FOXB2: variants seen among roughly 807,000 people sequenced by gnomAD.
The protein encoded by FOXB2 is forkhead box B2.
FOXB2 carries 1 observed loss-of-function variant against 0.9 expected under a neutral mutation model. That is an observed-to-expected ratio of 1.09 (90% CI 0.39 to 5.18). The LOEUF (loss-of-function observed/expected upper bound fraction) is 5.18, where lower values mean the gene tolerates loss of function less well. Among genes scored for constraint, FOXB2 ranks in the 30% most tolerant of loss-of-function variants. The pLI is 0.16. For missense variants in FOXB2, 670 were observed against 626.6 expected (o/e 1.07, Z -0.74); for synonymous variants, 322 against 293.5 (o/e 1.10, Z -0.99).
At position 77,020,230 on chromosome 9, in the gene FOXB2, G is replaced by A. The variant is rs762259765; in HGVS notation, c.576G>A (p.Pro192=). The change falls in exon 1 of 1, where the codon CCG becomes CCA. Residue 192 remains proline (P), a synonymous_variant. Transcript: ENST00000376708. This position sits in a 1 kb window ranked among gnomAD's most constrained non-coding sequence, Gnocchi z 4.9. ...CGCCTACTGCTCCGCAGCCGCCTCC[G>A]CACCTCCCGTCACAGCCCCCGCAGC... ...QQPPTAPQPP[P]HLPSQPPQQP... is the part of the protein sequence containing the mutation. 15 of 1,197,324 alleles carry A rather than the reference G, an allele frequency of 1.3e-5. No homozygotes were observed. The South Asian group carries it at 1.4e-4, about 12-fold the overall frequency. The allele number at this position is 1,197,324 out of a possible 1,614,324, so 74.2% of individuals were successfully genotyped here.
In FOXB2 at chr9:77,020,114, G is replaced by A; in HGVS notation, c.460G>A (p.Ala154Thr). 1 of 1,442,064 alleles carries A rather than the reference G, an allele frequency of 6.9e-7. No individual in the cohort carries two copies. Among genetic ancestry groups the A allele is most frequent in the South Asian group, 1.2e-5 (1 of 81,988 alleles). The allele number at this position is 1,442,064 out of a possible 1,614,324, so 89.3% of individuals were successfully genotyped here. Residue 154 changes from alanine to threonine, a missense_variant, in exon 1 of 1, where the codon GCA becomes ACA. Ala to Thr is a moderately conservative substitution (Grantham distance 58, BLOSUM62 0). Transcript: ENST00000376708. This position sits in a 1 kb window ranked among gnomAD's most constrained non-coding sequence, Gnocchi z 4.9. ...PHHHHHHHAAAHHHHHHHPPQ... is the reference protein window; with the variant it reads ...PHHHHHHHAATHHHHHHHPPQ... ...CCACCACCATCATCACCACGCTGCCGCACACCACCACCATCACCACCACCC... is the reference window on the plus strand; with the variant it reads ...CCACCACCATCATCACCACGCTGCCACACACCACCACCATCACCACCACCC...
At position 77,019,724 on chromosome 9, in the gene FOXB2, A is replaced by G. The variant is rs1564571364; in HGVS notation, c.70A>G (p.Met24Val). 2 of 1,613,926 alleles carry G rather than the reference A, an allele frequency of 1.2e-6. No homozygotes were observed. The highest frequency in any genetic ancestry group is 1.7e-6 in the Non-Finnish European group (2 of 1,179,950). Residue 24 changes from methionine (M) to valine (V), a missense_variant, in exon 1 of 1, where the codon ATG (methionine) becomes GTG (valine). Met to Val is a conservative substitution (Grantham distance 21). Transcript: ENST00000376708. The surrounding 1 kb of genome is among the most constrained non-coding windows in gnomAD (Gnocchi z 4.4). ...PPYSYISLTA[M>V]AIQHSAEKML... ...CTACTCTTACATCTCGCTGACCGCC[A>G]TGGCAATCCAGCACTCGGCCGAGAA... is the stretch of plus-strand genomic sequence containing the variant.
chr9:77,020,244 A>C lies in FOXB2; in HGVS notation c.590A>C (p.Gln197Pro). The C allele has an allele frequency of 8.1e-7, 1 of 1,230,698 alleles. No homozygotes were observed. 76.2% of individuals were successfully genotyped at this position (1,230,698 alleles called of 1,614,324 possible). A position where few individuals can be genotyped will look rare whatever the true frequency, so the allele number is the denominator to read the frequency against. ...APQPPPHLPS[Q>P]PPQQPPQQSQ... Reference sequence around the variant, plus strand: ...CAGCCGCCTCCGCACCTCCCGTCACAGCCCCCGCAGCAACCGCCCCAGCAG... The same window carrying C: ...CAGCCGCCTCCGCACCTCCCGTCACCGCCCCCGCAGCAACCGCCCCAGCAG... Residue 197 changes from glutamine (Q) to proline (P), a missense_variant, in exon 1 of 1, where the codon CAG (glutamine) becomes CCG (proline). Gln to Pro is a moderately conservative substitution (Grantham distance 76). Coordinates refer to ENST00000376708, the MANE Select transcript of FOXB2 (RefSeq NM_001013735.1). The surrounding 1 kb of genome is among the most constrained non-coding windows in gnomAD (Gnocchi z 4.9).
Position 77,020,456 on chromosome 9 carries a change from C to A in FOXB2, c.802C>A (p.His268Asn). 6.2e-7 allele frequency: 1 copy of A among 1,600,022 alleles called. No homozygotes were observed. Among genetic ancestry groups the A allele is most frequent in the Non-Finnish European group, 8.5e-7 (1 of 1,175,092 alleles). The change falls in exon 1 of 1, where the codon CAC (histidine) becomes AAC (asparagine). Residue 268 changes from histidine (H) to asparagine (N), a missense_variant. His to Asn is a moderately conservative substitution (Grantham distance 68, BLOSUM62 1). Transcript: ENST00000376708. The surrounding 1 kb of genome is among the most constrained non-coding windows in gnomAD (Gnocchi z 4.9). ...CGCGGCGTCCACGTCAGGCTTCAAG[C>A]ACCCCTTTGCCATTGAGAACATTAT... is the stretch of plus-strand genomic sequence containing the variant. The part of the protein sequence containing the change: ...AAAASTSGFK[H>N]PFAIENIIGR...
rs543210461 is a variant in FOXB2 at position 77,020,361 on chromosome 9, G to A, written c.707G>A (p.Gly236Asp). 1.5e-5 allele frequency: 20 copies of A among 1,326,712 alleles called. No homozygotes were observed. The African/African-American group carries it at 2.5e-4, about 16-fold the overall frequency. 82.2% of individuals were successfully genotyped at this position (1,326,712 alleles called of 1,614,324 possible). Reference protein sequence around the residue: ...AAAAAAAAAVGSVGRLSQFPP... With the variant: ...AAAAAAAAAVDSVGRLSQFPP... ...GCGGCGGCCGCGGCAGCCGCGGTGG[G>A]CAGCGTGGGACGCCTGTCTCAGTTC... Residue 236 changes from glycine to aspartate, a missense_variant, in exon 1 of 1, where the codon GGC becomes GAC. Gly to Asp is a moderately conservative substitution (Grantham distance 94). Transcript: ENST00000376708. The surrounding 1 kb of genome is among the most constrained non-coding windows in gnomAD (Gnocchi z 4.9).
Position 77,020,794 on chromosome 9 carries a change from G to C in FOXB2, c.1140G>C (p.Pro380=). The C allele has an allele frequency of 6.4e-7, 1 of 1,566,426 alleles. No individual in the cohort carries two copies. Among genetic ancestry groups the C allele is most frequent in the Non-Finnish European group, 8.6e-7 (1 of 1,162,252 alleles). Reference sequence around the variant, plus strand: ...TGCCGCCCGTGTCCGCGCTGCAGCCGGGGCTCACTGTCCCCGCGGCTTCGC... The same window carrying C: ...TGCCGCCCGTGTCCGCGCTGCAGCCCGGGCTCACTGTCCCCGCGGCTTCGC... The part of the protein sequence containing the change: ...PALPPVSALQ[P]GLTVPAASQQ... Residue 380 remains proline (P), a synonymous_variant, in exon 1 of 1, where the codon CCG becomes CCC. Coordinates refer to ENST00000376708, the MANE Select transcript of FOXB2 (RefSeq NM_001013735.1). The surrounding 1 kb of genome is among the most constrained non-coding windows in gnomAD (Gnocchi z 4.9).
chr9:77,019,905 G>T lies in FOXB2; in HGVS notation c.251G>T (p.Gly84Val), dbSNP rs1329709708. 2 of 1,613,686 alleles carry T rather than the reference G, an allele frequency of 1.2e-6. No homozygotes were observed. The highest frequency in any genetic ancestry group is 3.3e-5 in the Admixed American group (2 of 60,006). Reference sequence around the variant, plus strand: ...CGGAGGCCCGACCAGCCTGGCAAGGGTAGCTTCTGGGCGCTGCACCCCGAC... The same window carrying T: ...CGGAGGCCCGACCAGCCTGGCAAGGTTAGCTTCTGGGCGCTGCACCCCGAC... ...IPRRPDQPGKGSFWALHPDCG... is the reference protein window; with the variant it reads ...IPRRPDQPGKVSFWALHPDCG... Residue 84 changes from glycine to valine, a missense_variant, in exon 1 of 1, where the codon GGT becomes GTT. Coordinates refer to ENST00000376708, the MANE Select transcript of FOXB2 (RefSeq NM_001013735.1). This position sits in a 1 kb window ranked among gnomAD's most constrained non-coding sequence, Gnocchi z 4.4.
At position 77,020,440 on chromosome 9, in the gene FOXB2, C is replaced by T; in HGVS notation, c.786C>T (p.Ser262=). ...AAAAAAAAAA[S]TSGFKHPFAI... The stretch of plus-strand genomic sequence containing the variant: ...CCGCTGCCGCCGCGGCCGCGGCGTC[C>T]ACGTCAGGCTTCAAGCACCCCTTTG... Residue 262 remains serine (S), a synonymous_variant, in exon 1 of 1, where the codon TCC becomes TCT. Coordinates refer to ENST00000376708, the MANE Select transcript of FOXB2 (RefSeq NM_001013735.1). This position sits in a 1 kb window ranked among gnomAD's most constrained non-coding sequence, Gnocchi z 4.9. The T allele has an allele frequency of 1.3e-6, 2 of 1,587,358 alleles. No homozygotes were observed. The highest frequency in any genetic ancestry group is 1.7e-6 in the Non-Finnish European group (2 of 1,169,400).
chr9:77,020,800 C>A lies in FOXB2; in HGVS notation c.1146C>A (p.Leu382=). The change falls in exon 1 of 1, where the codon CTC becomes CTA. Residue 382 remains leucine, a synonymous_variant. Transcript: ENST00000376708. The surrounding 1 kb of genome is among the most constrained non-coding windows in gnomAD (Gnocchi z 4.9). ...LPPVSALQPG[L]TVPAASQQPP... Reference sequence around the variant, plus strand: ...CCGTGTCCGCGCTGCAGCCGGGGCTCACTGTCCCCGCGGCTTCGCAGCAGC... The same window carrying A: ...CCGTGTCCGCGCTGCAGCCGGGGCTAACTGTCCCCGCGGCTTCGCAGCAGC... 1 of 1,564,440 alleles carries A rather than the reference C, an allele frequency of 6.4e-7. No individual in the cohort carries two copies. The highest frequency in any genetic ancestry group is 8.6e-7 in the Non-Finnish European group (1 of 1,161,134).
At position 77,020,685 on chromosome 9, in the gene FOXB2, T is replaced by G. The variant is rs1765772874; in HGVS notation, c.1031T>G (p.Phe344Cys). Residue 344 changes from phenylalanine (F) to cysteine (C), a missense_variant, in exon 1 of 1, where the codon TTC (phenylalanine) becomes TGC (cysteine). Phe to Cys is a radical substitution (Grantham distance 205). Transcript: ENST00000376708. The surrounding 1 kb of genome is among the most constrained non-coding windows in gnomAD (Gnocchi z 4.9). Reference sequence around the variant, plus strand: ...CCTGTAGGCCCGGAGTATGGGGCCTTCGGGGTCCCGGTCAAGTCCCTGTGC... The same window carrying G: ...CCTGTAGGCCCGGAGTATGGGGCCTGCGGGGTCCCGGTCAAGTCCCTGTGC... ...GVPVGPEYGA[F>C]GVPVKSLCHS... 1 of 1,602,636 alleles carries G rather than the reference T, an allele frequency of 6.2e-7. No homozygotes were observed. Among genetic ancestry groups the G allele is most frequent in the Non-Finnish European group, 8.5e-7 (1 of 1,176,092 alleles).
In FOXB2 at chr9:77,020,006, C is replaced by T; in HGVS notation, c.352C>T (p.His118Tyr). 3 of 1,611,248 alleles carry T rather than the reference C, an allele frequency of 1.9e-6. No homozygotes were observed. The highest frequency in any genetic ancestry group is 2.5e-6 in the Non-Finnish European group (3 of 1,179,388). The change falls in exon 1 of 1, where the codon CAC becomes TAC. Residue 118 changes from histidine (H) to tyrosine (Y), a missense_variant. Coordinates refer to ENST00000376708, the MANE Select transcript of FOXB2 (RefSeq NM_001013735.1). The surrounding 1 kb of genome is among the most constrained non-coding windows in gnomAD (Gnocchi z 4.9). ...CAAGGTGCTGCGCGCCGACCATACTCACTTGCACGCGGGAAGCACCAAGAG... is the reference window on the plus strand; with the variant it reads ...CAAGGTGCTGCGCGCCGACCATACTTACTTGCACGCGGGAAGCACCAAGAG... ...RFKVLRADHT[H>Y]LHAGSTKSAP...
At position 77,020,310 on chromosome 9, in the gene FOXB2, AGGC is replaced by A; in HGVS notation, c.663_665del (p.Ala222del). 2 of 1,216,896 alleles carry A rather than the reference AGGC, an allele frequency of 1.6e-6. No homozygotes were observed. The highest frequency in any genetic ancestry group is 2.1e-6 in the Non-Finnish European group (2 of 963,894). 75.4% of individuals were successfully genotyped at this position (1,216,896 alleles called of 1,614,324 possible). ...CCGTCTCACCCCGGCAAGATGCAGG[AGGC>A]GGCGGCCGTGGCGGCGGCGGCGGCG... On this transcript the variant is annotated inframe_deletion, in exon 1 of 1. Transcript: ENST00000376708. This position sits in a 1 kb window ranked among gnomAD's most constrained non-coding sequence, Gnocchi z 4.9.
rs750048680 is a variant in FOXB2 at position 77,020,322 on chromosome 9, T to TGGCGGC, written c.684_689dup (p.Ala233_Ala234dup). The TGGCGGC allele has an allele frequency of 2.9e-5, 31 of 1,069,048 alleles. No individual in the cohort carries two copies. Among genetic ancestry groups the TGGCGGC allele is most frequent in the Non-Finnish European group, 1.2e-5 (11 of 881,302 alleles). 66.2% of individuals were successfully genotyped at this position (1,069,048 alleles called of 1,614,324 possible). On this transcript the variant is annotated inframe_insertion, in exon 1 of 1. Transcript: ENST00000376708. This position sits in a 1 kb window ranked among gnomAD's most constrained non-coding sequence, Gnocchi z 4.9. ...GGCAAGATGCAGGAGGCGGCGGCCG[T>TGGCGGC]GGCGGCGGCGGCGGCGGCGGCCGCG...
Position 77,020,419 on chromosome 9 carries a change from T to C in FOXB2, c.765T>C (p.Ala255=), listed in dbSNP as rs751583997. ...PPYGLGSAAA[A]AAAAAASTSG... Reference sequence around the variant, plus strand: ...ACGGGCTGGGCTCGGCCGCCGCCGCTGCCGCCGCGGCCGCGGCGTCCACGT... The same window carrying C: ...ACGGGCTGGGCTCGGCCGCCGCCGCCGCCGCCGCGGCCGCGGCGTCCACGT... Residue 255 remains alanine, a synonymous_variant, in exon 1 of 1, where the codon GCT becomes GCC. Coordinates refer to ENST00000376708, the MANE Select transcript of FOXB2 (RefSeq NM_001013735.1). The surrounding 1 kb of genome is among the most constrained non-coding windows in gnomAD (Gnocchi z 4.9). 3.3e-6 allele frequency: 5 copies of C among 1,530,482 alleles called. No homozygotes were observed. Among genetic ancestry groups the C allele is most frequent in the Middle Eastern group, 1.8e-4 (1 of 5,646 alleles). 94.8% of individuals were successfully genotyped at this position (1,530,482 alleles called of 1,614,324 possible).
rs1437403589 is a variant in FOXB2 at position 77,020,436 on chromosome 9, C to T, written c.782C>T (p.Ala261Val). ...GCCGCCGCTGCCGCCGCGGCCGCGG[C>T]GTCCACGTCAGGCTTCAAGCACCCC... ...SAAAAAAAAA[A>V]STSGFKHPFA... The change falls in exon 1 of 1, where the codon GCG (alanine) becomes GTG (valine). Residue 261 changes from alanine to valine, a missense_variant. Ala to Val is a moderately conservative substitution (Grantham distance 64). Transcript: ENST00000376708. The surrounding 1 kb of genome is among the most constrained non-coding windows in gnomAD (Gnocchi z 4.9). The T allele has an allele frequency of 5.0e-6, 8 of 1,592,250 alleles. No individual in the cohort carries two copies. The highest frequency in any genetic ancestry group is 6.0e-6 in the Non-Finnish European group (7 of 1,171,682).
In FOXB2 at chr9:77,020,510, G is replaced by A. The variant is rs754994063; in HGVS notation, c.856G>A (p.Ala286Thr). 8.7e-6 allele frequency: 14 copies of A among 1,610,474 alleles called. No individual in the cohort carries two copies. The highest frequency in any genetic ancestry group is 1.2e-5 in the Non-Finnish European group (14 of 1,179,058). The change falls in exon 1 of 1, where the codon GCT becomes ACT. Residue 286 changes from alanine to threonine, a missense_variant. By Grantham distance (58) the Ala-to-Thr change is moderately conservative (BLOSUM62 0). Coordinates refer to ENST00000376708, the MANE Select transcript of FOXB2 (RefSeq NM_001013735.1). The surrounding 1 kb of genome is among the most constrained non-coding windows in gnomAD (Gnocchi z 4.9). ...IGRDYKGVLQ[A>T]GGLPLASVMH... ...CCGGGACTACAAGGGCGTGCTGCAG[G>A]CTGGAGGGCTGCCCTTGGCGTCCGT...
rs753771418 is a variant in FOXB2, at chr9:77,020,145, AGCC to A, written c.507_509del (p.Pro174del). 624 of 1,352,230 alleles carry A rather than the reference AGCC, an allele frequency of 4.6e-4. No homozygotes were observed. Among genetic ancestry groups the A allele is most frequent in the Non-Finnish European group, 4.8e-4 (474 of 988,424 alleles). The allele number at this position is 1,352,230 out of a possible 1,614,324, so 83.8% of individuals were successfully genotyped here. On this transcript the variant is annotated inframe_deletion, in exon 1 of 1. Coordinates refer to ENST00000376708, the MANE Select transcript of FOXB2 (RefSeq NM_001013735.1). This position sits in a 1 kb window ranked among gnomAD's most constrained non-coding sequence, Gnocchi z 4.9. ...CACCACCATCACCACCACCCACCCC[AGCC>A]GCCGCCGCCGCCGCCCCCGCCGCCG...
rs1456901152 is a variant in FOXB2 at position 77,020,137 on chromosome 9, C to T, written c.483C>T (p.His161=). The part of the protein sequence containing the change: ...HAAAHHHHHH[H]PPQPPPPPPP... Reference sequence around the variant, plus strand: ...CCGCACACCACCACCATCACCACCACCCACCCCAGCCGCCGCCGCCGCCGC... The same window carrying T: ...CCGCACACCACCACCATCACCACCATCCACCCCAGCCGCCGCCGCCGCCGC... Residue 161 remains histidine (H), a synonymous_variant, in exon 1 of 1, where the codon CAC becomes CAT. Transcript: ENST00000376708. The surrounding 1 kb of genome is among the most constrained non-coding windows in gnomAD (Gnocchi z 4.9). The T allele has an allele frequency of 7.0e-7, 1 of 1,424,980 alleles. No homozygotes were observed. Among genetic ancestry groups the T allele is most frequent in the East Asian group, 2.4e-5 (1 of 42,228 alleles). 88.3% of individuals were successfully genotyped at this position (1,424,980 alleles called of 1,614,324 possible). A position where few individuals can be genotyped will look rare whatever the true frequency, so the allele number is the denominator to read the frequency against.
rs540754001 is a variant in FOXB2, at chr9:77,020,320, C to T, written c.666C>T (p.Ala222=). ...CCGGCAAGATGCAGGAGGCGGCGGC[C>T]GTGGCGGCGGCGGCGGCGGCGGCCG... The part of the protein sequence containing the change: ...SHPGKMQEAA[A]VAAAAAAAAA... Residue 222 remains alanine (A), a synonymous_variant, in exon 1 of 1, where the codon GCC becomes GCT. Coordinates refer to ENST00000376708, the MANE Select transcript of FOXB2 (RefSeq NM_001013735.1). The surrounding 1 kb of genome is among the most constrained non-coding windows in gnomAD (Gnocchi z 4.9). 13 of 1,142,694 alleles carry T rather than the reference C, an allele frequency of 1.1e-5. No homozygotes were observed. The highest frequency in any genetic ancestry group is 1.2e-5 in the Non-Finnish European group (11 of 929,012). The allele number at this position is 1,142,694 out of a possible 1,614,324, so 70.8% of individuals were successfully genotyped here. A position where few individuals can be genotyped will look rare whatever the true frequency, so the allele number is the denominator to read the frequency against.
Sources: gnomAD v4.1 joint callset for allele counts on GRCh38, gnomAD v4.1.1 for gene constraint, Gnocchi (gnomAD v3.1) non-coding constraint, MANE v1.5 for transcripts, NCBI Gene and HGNC (gene_info 2026-07-23, HGNC 2026-07-21) for gene names.